IGF2BP3: variants seen among roughly 807,000 people sequenced by gnomAD.
The protein encoded by IGF2BP3 is insulin like growth factor 2 mRNA binding protein 3.
In IGF2BP3, 9 loss-of-function variants were observed where a neutral mutation model predicts 73.8. The observed-to-expected ratio is 0.12, with a 90% CI of 0.07 to 0.21. The LOEUF is 0.21. Among genes scored for constraint, IGF2BP3 ranks in the 10% least tolerant of loss-of-function variants. IGF2BP3 has a pLI of 1.00. For missense variants in IGF2BP3, 542 were observed against 714.0 expected (o/e 0.76, Z 2.75); for synonymous variants, 258 against 256.7 (o/e 1.01, Z -0.05).
At chr7:23,439,848 A>G (rs1234447444) in intron 2 of IGF2BP3, among the ~76,000 whole-genome samples, 1 of 152,218 alleles carries the variant, frequency 6.6e-6, no homozygotes, top group Non-Finnish European at 1.5e-5. Context: ...ACCTTTGCAT[A>G]GTACTCACAC....
In IGF2BP3 at chr7:23,317,622, T is replaced by C. The variant is rs771087480; in HGVS notation, c.1395+17A>G. ...ATTTGTTACCTGTGGACATAGCACA[T>C]ACTCTAGAGCACATACCTTGAACTG... On this transcript the variant is annotated intron_variant, in intron 12 of 14. Transcript: ENST00000258729. 2.5e-6 allele frequency: 4 copies of C among 1,606,564 alleles called. No individual in the cohort carries two copies. Among genetic ancestry groups the C allele is most frequent in the Admixed American group, 3.3e-5 (2 of 60,000 alleles).
intron 3 of IGF2BP3, among the ~76,000 whole-genome samples, chr7:23,395,375 C>T (rs1786418479): frequency 6.6e-6 from 1 of 152,052 alleles, no homozygotes; most frequent in Admixed American, 6.5e-5. Context: ...CCAAGATTTC[C>T]ATTTGCCACC....
In IGF2BP3 at chr7:23,469,129, A is replaced by C. The variant is rs1788642446; in HGVS notation, c.176-587T>G. The C allele has an allele frequency of 6.5e-6, 1 of 153,980 alleles. No homozygotes were observed. The highest frequency in any genetic ancestry group is 2.4e-5 in the African/African-American group (1 of 41,248). 9.5% of individuals were successfully genotyped at this position (153,980 alleles called of 1,614,324 possible). A position where few individuals can be genotyped will look rare whatever the true frequency, so the allele number is the denominator to read the frequency against. On this transcript the variant is annotated intron_variant, in intron 1 of 14. Coordinates refer to ENST00000258729, the MANE Select transcript of IGF2BP3 (RefSeq NM_006547.3). This position sits in a 1 kb window ranked among gnomAD's most constrained non-coding sequence, Gnocchi z 6.1. Reference sequence around the variant, plus strand: ...CGCCCGCACCACGTCTGAATTGATTAAAAGGGAAGCCGAAAGGCACGGGGC... The same window carrying C: ...CGCCCGCACCACGTCTGAATTGATTCAAAGGGAAGCCGAAAGGCACGGGGC...
chr7:23,329,259 C>T (rs1419296171), intron 10 of IGF2BP3, among the ~76,000 whole-genome samples: 1 of 151,932 alleles, frequency 6.6e-6, no homozygotes, highest in Non-Finnish European at 1.5e-5. Flanking sequence ...TAAATAACAT[C>T]CTAATTTGCT....
intron 3 of IGF2BP3, among the ~76,000 whole-genome samples, chr7:23,409,571 C>G (rs562312057): frequency 6.6e-6 from 1 of 152,174 alleles, no homozygotes; most frequent in African/African-American, 2.4e-5. Context: ...TAAAAGAGTC[C>G]AGAAACAGAC....
intron 3 of IGF2BP3, among the ~76,000 whole-genome samples, chr7:23,390,575 A>G (rs766707911): frequency 6.6e-6 from 1 of 151,980 alleles, no homozygotes; most frequent in Non-Finnish European, 1.5e-5. Flanking sequence ...CCACTCCAGG[A>G]CCTCCCACTC....
In IGF2BP3 at chr7:23,445,749, A is replaced by C. The variant is rs1418577600; in HGVS notation, c.236+22733T>G. ...GCTAAAGTTAGACTGGTATGGAAAA[A>C]ATAACCTGCAGGTGATTAACAATTA... On this transcript the variant is annotated intron_variant, in intron 2 of 14. Transcript: ENST00000258729. Among the ~76,000 whole-genome samples the C allele has an allele frequency of 2.0e-5, 3 of 152,198 alleles. No individual in the cohort carries two copies. The East Asian group carries it at 5.8e-4, about 29-fold the overall frequency.
In IGF2BP3 at chr7:23,310,952, G is replaced by A. The variant is rs1253271102; in HGVS notation, c.*1410C>T. 3 of 152,096 alleles carry A rather than the reference G, an allele frequency of 2.0e-5. No homozygotes were observed. Among genetic ancestry groups the A allele is most frequent in the East Asian group, 3.9e-4 (2 of 5,192 alleles). 9.4% of individuals were successfully genotyped at this position (152,096 alleles called of 1,614,324 possible). ...GTACTGGGCTTTGCTGTCAAGGAGT[G>A]AGCAAATGAGTTCGTTATCAAAGGT... On this transcript the variant is annotated 3_prime_UTR_variant, in exon 15 of 15. Transcript: ENST00000258729.
chr7:23,437,826 C>T (rs995042174), intron 2 of IGF2BP3, among the ~76,000 whole-genome samples: 6 of 152,220 alleles, frequency 3.9e-5, no homozygotes, highest in Non-Finnish European at 7.3e-5. Context: ...TACATTTCCA[C>T]TGTACCCTTA....
chr7:23,391,950 A>G (rs1391003123), intron 3 of IGF2BP3, among the ~76,000 whole-genome samples: 1 of 152,254 alleles, frequency 6.6e-6, no homozygotes, highest in Non-Finnish European at 1.5e-5. Flanking sequence ...ATTGCTAAGC[A>G]TCTGAAACAA....
At chr7:23,370,326 T>G (rs534852771) in intron 3 of IGF2BP3, among the ~76,000 whole-genome samples, 1 of 152,348 alleles carries the variant, frequency 6.6e-6, no homozygotes, top group African/African-American at 2.4e-5. Flanking sequence ...TCACACTGAC[T>G]TCCATGCTTA....
chr7:23,354,978 G>A (rs2128506020), intron 5 of IGF2BP3, among the ~76,000 whole-genome samples: 1 of 152,196 alleles, frequency 6.6e-6, no homozygotes, highest in Non-Finnish European at 1.5e-5. Flanking sequence ...CTAAATTACT[G>A]AATTTAAGTC....
intron 10 of IGF2BP3, among the ~76,000 whole-genome samples, chr7:23,339,221 AT>A (rs1784648934): frequency 6.6e-6 from 1 of 152,212 alleles, no homozygotes; most frequent in East Asian, 1.9e-4. Flanking sequence ...TCTTCCTTAC[AT>A]TTACTCTTGG....
chr7:23,469,926 C>T lies in IGF2BP3; in HGVS notation c.175+10G>A. 6.2e-7 allele frequency: 1 copy of T among 1,604,528 alleles called. No individual in the cohort carries two copies. The highest frequency in any genetic ancestry group is 8.5e-7 in the Non-Finnish European group (1 of 1,176,654). On this transcript the variant is annotated intron_variant, in intron 1 of 14. Coordinates refer to ENST00000258729, the MANE Select transcript of IGF2BP3 (RefSeq NM_006547.3). The surrounding 1 kb of genome is among the most constrained non-coding windows in gnomAD (Gnocchi z 6.1). ...GGCGAGAGCCCGGGTGGGGCCAGGC[C>T]CGGGCCCACCTGAAAGCGCCTCGAT...
At chr7:23,453,120 T>C (rs939892407) in intron 2 of IGF2BP3, among the ~76,000 whole-genome samples, 8 of 152,162 alleles carry the variant, frequency 5.3e-5, no homozygotes, top group Non-Finnish European at 1.5e-5. Flanking sequence ...AGAGCGAGAC[T>C]CCGTCTCAAA....
At chr7:23,349,803 T>A (rs1328832698) in intron 6 of IGF2BP3, among the ~76,000 whole-genome samples, 5 of 152,154 alleles carry the variant, frequency 3.3e-5, no homozygotes, top group Non-Finnish European at 7.3e-5. Flanking sequence ...AGCTCTTTCA[T>A]CTGACAGGGA....
In IGF2BP3 at chr7:23,350,420, G is replaced by A. The variant is rs536285378; in HGVS notation, c.683+885C>T. Among the ~76,000 whole-genome samples, 3 of 152,304 alleles carry A rather than the reference G, an allele frequency of 2.0e-5. No individual in the cohort carries two copies. The South Asian group carries it at 6.2e-4, about 32-fold the overall frequency. ...CCCAGCACACTCACAGGTTCTTCAGGAAATACAGTAGTAACAGGATGTGCC... is the reference window on the plus strand; with the variant it reads ...CCCAGCACACTCACAGGTTCTTCAGAAAATACAGTAGTAACAGGATGTGCC... On this transcript the variant is annotated intron_variant, in intron 6 of 14. Transcript: ENST00000258729.
chr7:23,315,940 G>C (rs1451906143), intron 12 of IGF2BP3, among the ~76,000 whole-genome samples: 1 of 152,208 alleles, frequency 6.6e-6, no homozygotes, highest in Non-Finnish European at 1.5e-5. Flanking sequence ...AAAGAACTTT[G>C]AAGTTCCTAT....
chr7:23,362,389 C>T (rs1479606396), intron 3 of IGF2BP3: 2 of 152,210 alleles, frequency 1.3e-5, no homozygotes, highest in Non-Finnish European at 2.9e-5. Context: ...ATGAAGACAG[C>T]ACAGTGCATA....
Sources: gnomAD v4.1 joint callset for allele counts (sites outside exome capture counted in the v4.1 genomes callset) on GRCh38, gnomAD v4.1.1 for gene constraint, Gnocchi (gnomAD v3.1) non-coding constraint, MANE v1.5 for transcripts, NCBI Gene and HGNC (gene_info 2026-07-23, HGNC 2026-07-21) for gene names.